Variants in FAM114A2 observed in about 807,000 individuals in gnomAD.
FAM114A2 encodes the protein protein FAM114A2.
FAM114A2 carries 53 observed loss-of-function variants against 58.4 expected under a neutral mutation model. The observed-to-expected ratio is 0.91, with a 90% CI of 0.73 to 1.14. FAM114A2 has a LOEUF of 1.14. Among genes scored for constraint, FAM114A2 ranks in the 50% most tolerant of loss-of-function variants. The pLI is 0.00. For synonymous variants in FAM114A2, 228 were observed against 211.4 expected (o/e 1.08, Z -0.68); for missense variants, 601 against 581.1 (o/e 1.03, Z -0.35).
In FAM114A2 at chr5:154,028,853, G is replaced by A. The variant is rs563549402; in HGVS notation, c.496-570C>T. On this transcript the variant is annotated intron_variant, in intron 5 of 13. Coordinates refer to ENST00000351797, the MANE Select transcript of FAM114A2 (RefSeq NM_018691.4). ...ATTATGGTTATCTTGGTGCAGGAGA[G>A]GGGGAGAGCAGAAGACACAGAAAAC... Among the ~76,000 whole-genome samples, 15 of 152,170 alleles carry A rather than the reference G, an allele frequency of 9.9e-5. 2 individuals carry two copies. The highest frequency in any genetic ancestry group is 6.5e-5 in the Admixed American group (1 of 15,276).
At chr5:154,033,362 C>T (rs989667135) in intron 4 of FAM114A2, among the ~76,000 whole-genome samples, 6 of 152,162 alleles carry the variant, frequency 3.9e-5, no homozygotes, top group Admixed American at 2.0e-4. Context: ...TAGAATTAAA[C>T]GTAGTCTTCA....
At chr5:154,034,046 T>A (rs191047471) in intron 3 of FAM114A2, among the ~76,000 whole-genome samples, 163 bp from the exon 4 acceptor site, 1 of 152,174 alleles carries the variant, frequency 6.6e-6, no homozygotes, top group Non-Finnish European at 1.5e-5. Flanking sequence ...TGATTCATCA[T>A]CACCAAAGAA....
Position 154,029,532 on chromosome 5 carries a change from G to T in FAM114A2, c.452C>A (p.Ala151Glu). 1 of 1,611,254 alleles carries T rather than the reference G, an allele frequency of 6.2e-7. No homozygotes were observed. Among genetic ancestry groups the T allele is most frequent in the Non-Finnish European group, 8.5e-7 (1 of 1,177,866 alleles). ...ENENSSPVAG[A>E]FGVFSTISTA... is the part of the protein sequence containing the mutation. ...AGAGATGGTAGAGAATACACCAAAT[G>T]CCCCAGCCACTGGGGAGGAGTTTTC... Residue 151 changes from alanine to glutamate, a missense_variant, in exon 5 of 14, where the codon GCA becomes GAA. Ala to Glu is a moderately radical substitution (Grantham distance 107). Transcript: ENST00000351797.
At chr5:154,027,374 A>C in intron 6 of FAM114A2, 40 bp from the exon 7 acceptor site, 17 of 1,566,198 alleles carry the variant, frequency 1.1e-5, no homozygotes, top group Non-Finnish European at 1.5e-5. Context: ...GCAAACAATG[A>C]GAGCTCAAGG....
chr5:154,005,348 C>G (rs543592034), intron 9 of FAM114A2, among the ~76,000 whole-genome samples: 2 of 152,262 alleles, frequency 1.3e-5, no homozygotes, highest in African/African-American at 4.8e-5. Context: ...TACTAATACC[C>G]CTGTCCACAG....
chr5:154,024,405 C>A (rs1294833358), intron 8 of FAM114A2, among the ~76,000 whole-genome samples: 1 of 152,004 alleles, frequency 6.6e-6, no homozygotes, highest in Non-Finnish European at 1.5e-5. Flanking sequence ...TTTTAAAAAA[C>A]TATATTTTTC....
At chr5:154,023,386 T>C (rs1024951955) in intron 8 of FAM114A2, among the ~76,000 whole-genome samples, 10 of 152,084 alleles carry the variant, frequency 6.6e-5, no homozygotes, top group African/African-American at 1.9e-4. Flanking sequence ...TGCCCATCAA[T>C]CAACGAGTAG....
chr5:154,010,485 G>A (rs1015422296), intron 9 of FAM114A2, among the ~76,000 whole-genome samples: 1 of 152,142 alleles, frequency 6.6e-6, no homozygotes, highest in East Asian at 1.9e-4. Context: ...CTGGGGGATG[G>A]AGACAAGGTG....
intron 1 of FAM114A2, chr5:154,036,375 TA>T (rs1772558935): frequency 6.6e-6 from 1 of 152,178 alleles, no homozygotes; most frequent in Non-Finnish European, 1.5e-5. Flanking sequence ...GCCAAGATAC[TA>T]TTGGTGTCTC....
At position 154,034,957 on chromosome 5, in the gene FAM114A2, T is replaced by A; in HGVS notation, c.-4A>T. 2 of 1,607,078 alleles carry A rather than the reference T, an allele frequency of 1.2e-6. No individual in the cohort carries two copies. Among genetic ancestry groups the A allele is most frequent in the Non-Finnish European group, 1.7e-6 (2 of 1,176,678 alleles). The stretch of plus-strand genomic sequence containing the variant: ...CAATATCATCTTTATCTGACATGAT[T>A]AGAACATCAGCTGGTAAAATGAAAG... On this transcript the variant is annotated 5_prime_UTR_variant, in exon 2 of 14. It removes the in-frame stop codon of an upstream open reading frame in the 5' UTR. Transcript: ENST00000351797.
chr5:154,022,614 A>T (rs1361741362), intron 8 of FAM114A2, among the ~76,000 whole-genome samples: 1 of 152,224 alleles, frequency 6.6e-6, no homozygotes, highest in Non-Finnish European at 1.5e-5. Flanking sequence ...TAGAATGGCG[A>T]TCATTAAAAA....
At chr5:154,024,470 TC>T (rs1482423714) in intron 8 of FAM114A2, among the ~76,000 whole-genome samples, 2 of 152,144 alleles carry the variant, frequency 1.3e-5, no homozygotes, top group East Asian at 3.8e-4. Flanking sequence ...CTCTTTAATA[TC>T]TAGTTTAACA....
In FAM114A2 at chr5:154,012,993, A is replaced by G. The variant is rs535850827; in HGVS notation, c.914-1673T>C. Among the ~76,000 whole-genome samples the G allele has an allele frequency of 2.8e-4, 42 of 151,312 alleles. 1 individual carries two copies. The highest frequency in any genetic ancestry group is 9.4e-4 in the African/African-American group (39 of 41,430). On this transcript the variant is annotated intron_variant, in intron 8 of 13. Coordinates refer to ENST00000351797, the MANE Select transcript of FAM114A2 (RefSeq NM_018691.4). ...ATTATACATTATTATGGTAGTACAT[A>G]TAATTTATATAATTTACATATAAAT...
intron 1 of FAM114A2, among the ~76,000 whole-genome samples, chr5:154,035,424 A>G (rs1772486385): frequency 6.6e-6 from 1 of 152,124 alleles, no homozygotes; most frequent in Admixed American, 6.5e-5. Context: ...TCATTTCAAG[A>G]TGTTATATAA....
chr5:154,020,318 T>C (rs901613752), intron 8 of FAM114A2, among the ~76,000 whole-genome samples: 5 of 113,016 alleles, frequency 4.4e-5, no homozygotes, highest in South Asian at 3.5e-4. Flanking sequence ...CTGAAGGAGA[T>C]AGAGACACAA....
intron 9 of FAM114A2, among the ~76,000 whole-genome samples, chr5:154,008,667 T>C (rs1770501808): frequency 6.6e-6 from 1 of 151,400 alleles, no homozygotes; most frequent in Non-Finnish European, 1.5e-5. Flanking sequence ...TACAGCACTA[T>C]ATGTGTATGT....
At chr5:154,031,594 G>T (rs1772207080) in intron 4 of FAM114A2, among the ~76,000 whole-genome samples, 1 of 152,086 alleles carries the variant, frequency 6.6e-6, no homozygotes, top group Non-Finnish European at 1.5e-5. Flanking sequence ...TGTAATTTTG[G>T]AAAGTTCTCC....
intron 8 of FAM114A2, among the ~76,000 whole-genome samples, chr5:154,016,574 T>C (rs1001865390): frequency 1.3e-5 from 2 of 152,116 alleles, no homozygotes; most frequent in Non-Finnish European, 2.9e-5. Flanking sequence ...CTGAGAGAAT[T>C]TGCCACTACC....
At chr5:154,022,765 A>T (rs1771507005) in intron 8 of FAM114A2, among the ~76,000 whole-genome samples, 1 of 152,208 alleles carries the variant, frequency 6.6e-6, no homozygotes, top group Non-Finnish European at 1.5e-5. Flanking sequence ...ATACCATTTG[A>T]CCCAGTGATC....
Sources: gnomAD v4.1 joint callset for allele counts (sites outside exome capture counted in the v4.1 genomes callset) on GRCh38, gnomAD v4.1.1 for gene constraint, MANE v1.5 for transcripts, NCBI Gene and HGNC (gene_info 2026-07-23, HGNC 2026-07-21) for gene names.